The following KYAT3 variants were observed in gnomAD, a reference collection of about 807,000 sequenced individuals.
KYAT3 encodes the protein kynurenine aminotransferase 3.
In KYAT3, 50 loss-of-function variants were observed where a neutral mutation model predicts 59.0. The observed-to-expected ratio is 0.85, with a 90% confidence interval of 0.68 to 1.07. The LOEUF (loss-of-function observed/expected upper bound fraction) is 1.07, where lower values mean the gene tolerates loss of function less well. Among genes scored for constraint, KYAT3 ranks in the 50% least tolerant of loss-of-function variants. The pLI is 0.00. For synonymous variants in KYAT3, 148 were observed against 177.0 expected (o/e 0.84, Z 1.30); for missense variants, 497 against 533.3 (o/e 0.93, Z 0.67).
At chr1:88,953,027 G>C (rs1447115974) in intron 10 of KYAT3, 36 bp downstream of exon 10, 1 of 1,282,050 alleles carries the variant, frequency 7.8e-7, no homozygotes, top group Non-Finnish European at 1.1e-6. Flanking sequence ...TTCACCAAAA[G>C]ACAATGCTTC....
intron 10 of KYAT3, among the ~76,000 whole-genome samples, chr1:88,951,454 C>T (rs942589139): frequency 5.3e-5 from 8 of 151,906 alleles, no homozygotes; most frequent in Non-Finnish European, 1.2e-4. Flanking sequence ...AGGCTGGTCT[C>T]GAACTCCTGG....
intron 2 of KYAT3, chr1:88,982,760 T>C (rs1411543159): frequency 1.2e-6 from 2 of 1,613,918 alleles, no homozygotes; most frequent in East Asian, 2.2e-5. Context: ...TGAAGAAGGG[T>C]ACCCCCTTTC....
chr1:88,934,046 G>GT (rs1001060868), downstream of KYAT3, among the ~76,000 whole-genome samples: 3 of 152,140 alleles, frequency 2.0e-5, no homozygotes, highest in African/African-American at 7.2e-5. Context: ...TTGGTAGCTT[G>GT]TTTTTTCATT....
chr1:88,988,756 G>A (rs1473570362), intron 1 of KYAT3, among the ~76,000 whole-genome samples: 1 of 152,164 alleles, frequency 6.6e-6, no homozygotes, highest in Non-Finnish European at 1.5e-5. Flanking sequence ...ACTAGTAAAA[G>A]CATAGTTTGT....
intron 5 of KYAT3, among the ~76,000 whole-genome samples, chr1:88,963,900 C>T (rs1676239712): frequency 6.6e-6 from 1 of 152,172 alleles, no homozygotes; most frequent in African/African-American, 2.4e-5. Flanking sequence ...TTTTACCTTC[C>T]TATTATATTA....
chr1:88,991,524 T>C (rs1202771100), intron 1 of KYAT3, among the ~76,000 whole-genome samples: 1 of 152,234 alleles, frequency 6.6e-6, no homozygotes, highest in Non-Finnish European at 1.5e-5. Flanking sequence ...GGTTCACCGA[T>C]ACAACAGAGG....
Position 88,988,337 on chromosome 1 carries a change from TG to T in KYAT3, c.13del (p.Gln5ArgfsTer14). On this transcript the variant is annotated frameshift_variant, in exon 2 of 14. Coordinates refer to ENST00000260508, the MANE Select transcript of KYAT3 (RefSeq NM_001008661.3). LOFTEE classifies it high-confidence loss of function. MFLA[Q>X]RSLCSLSGRA... ...ACCGCTAAGAGAGCAGAGGCTCCTC[TG>T]GGCCAAAAACATGCTATTAAATAAA... The T allele has an allele frequency of 6.2e-7, 1 of 1,611,856 alleles. No individual in the cohort carries two copies. Among genetic ancestry groups the T allele is most frequent in the Non-Finnish European group, 8.5e-7 (1 of 1,178,624 alleles).
At chr1:88,963,407 G>C (rs1235749384) in intron 5 of KYAT3, among the ~76,000 whole-genome samples, 1 of 152,320 alleles carries the variant, frequency 6.6e-6, no homozygotes, top group Middle Eastern at 3.4e-3. Context: ...TAAACATCTT[G>C]TCTGGCATAG....
chr1:88,943,246 T>C (rs1331746541), intron 12 of KYAT3, 104 bp downstream of exon 12: 1 of 968,402 alleles, frequency 1.0e-6, no homozygotes. Context: ...TGGAGTATCA[T>C]ATAACAACAT....
At chr1:88,950,051 T>G (rs746265677) in intron 10 of KYAT3, among the ~76,000 whole-genome samples, 5 of 152,148 alleles carry the variant, frequency 3.3e-5, no homozygotes, top group Non-Finnish European at 7.3e-5. Context: ...AGGGTTAGCT[T>G]GCTCCTTCCA....
rs529690428 is a variant in KYAT3 at position 88,954,697 on chromosome 1, G to C, written c.864+452C>G. On this transcript the variant is annotated intron_variant, in intron 9 of 13. Coordinates refer to ENST00000260508, the MANE Select transcript of KYAT3 (RefSeq NM_001008661.3). ...AACATGAAAGCCAAATAAGTCAAGA[G>C]ATAAGCAAAGATCACCAGGTATAAA... Among the ~76,000 whole-genome samples, 3 of 152,286 alleles carry C rather than the reference G, an allele frequency of 2.0e-5. No individual in the cohort carries two copies. In the East Asian group the frequency reaches 5.8e-4, roughly 29 times the overall value.
chr1:88,956,931 GA>G (rs1460725756), intron 8 of KYAT3, among the ~76,000 whole-genome samples: 5 of 152,078 alleles, frequency 3.3e-5, no homozygotes, highest in African/African-American at 1.2e-4. Flanking sequence ...TTGTTTTTCA[GA>G]AGCACAAGTG....
chr1:88,990,109 CCT>C (rs1194267656), intron 1 of KYAT3, among the ~76,000 whole-genome samples: 3 of 152,142 alleles, frequency 2.0e-5, no homozygotes, highest in African/African-American at 7.2e-5. Context: ...TCTAAAAAAT[CCT>C]TGTTTTTTCC....
At chr1:88,940,693 G>A (rs1043065935) in intron 13 of KYAT3, among the ~76,000 whole-genome samples, 3 of 152,162 alleles carry the variant, frequency 2.0e-5, no homozygotes, top group Non-Finnish European at 4.4e-5. Context: ...CTTCAACATA[G>A]CTTTTAGCAA....
intron 3 of KYAT3, among the ~76,000 whole-genome samples, chr1:88,969,203 C>T (rs1384626942): frequency 2.6e-5 from 4 of 152,194 alleles, no homozygotes. Context: ...GCCATATGTC[C>T]AGTGTCCAGC....
At chr1:88,959,167 C>A (rs1242208263) in intron 8 of KYAT3, among the ~76,000 whole-genome samples, 1 of 151,124 alleles carries the variant, frequency 6.6e-6, no homozygotes, top group African/African-American at 2.4e-5. Context: ...GTAGTCATAG[C>A]TATTTGGGGG....
At position 88,963,055 on chromosome 1, in the gene KYAT3, G is replaced by A. The variant is rs535229186; in HGVS notation, c.454-910C>T. ...TAGGTGCTGGCAGTAAAGCTATAAA[G>A]TTCTCCTAGAACTTATATCCTACTG... On this transcript the variant is annotated intron_variant, in intron 5 of 13. Transcript: ENST00000260508. 2.7e-5 allele frequency among the ~76,000 whole-genome samples: 4 copies of A among 150,496 alleles called. No homozygotes were observed. In the South Asian group the frequency reaches 8.4e-4, roughly 32 times the overall value.
intron 13 of KYAT3, among the ~76,000 whole-genome samples, chr1:88,939,973 G>A (rs541258220): frequency 1.3e-5 from 2 of 151,906 alleles, no homozygotes; most frequent in South Asian, 4.2e-4. Context: ...TTTTTTGGGC[G>A]AATATTCTCT....
chr1:88,958,975 C>T (rs1326875811), intron 8 of KYAT3, among the ~76,000 whole-genome samples: 2 of 152,168 alleles, frequency 1.3e-5, no homozygotes, highest in Admixed American at 1.3e-4. Context: ...TACTAAAACA[C>T]ACCCTCATAA....
Sources: allele counts gnomAD v4.1 joint callset (sites outside exome capture counted in the v4.1 genomes callset), GRCh38; gene constraint gnomAD v4.1.1; transcripts MANE v1.5; gene names NCBI Gene and HGNC (gene_info 2026-07-23, HGNC 2026-07-21).